The following ZNF730 variants were observed in gnomAD, a reference collection of about 807,000 sequenced individuals.
ZNF730 encodes the protein zinc finger protein 730, also known as putative zinc finger protein 730.
In ZNF730, 12 loss-of-function variants were observed where a neutral mutation model predicts 12.6. The ratio of observed to expected loss-of-function variants is 0.95; its 90% CI spans 0.61 to 1.54. ZNF730 has a LOEUF of 1.54. ZNF730 is among the 40% of genes most tolerant of loss of function. The pLI is 0.00. For synonymous variants in ZNF730, 194 were observed against 195.8 expected, an observed-to-expected ratio of 0.99 and a Z score of 0.08; for missense variants, 643 against 583.5, an observed-to-expected ratio of 1.10 and a Z score of -1.05.
chr19:23,128,968 G>T (rs896759193), intron 1 of ZNF730, among the ~76,000 whole-genome samples: 8 of 152,176 alleles, frequency 5.3e-5, no homozygotes, highest in Non-Finnish European at 7.3e-5. Context: ...GTAGAGCTCA[G>T]GCTGTTGTTT....
intron 1 of ZNF730, among the ~76,000 whole-genome samples, chr19:23,119,192 A>G (rs1365047210): frequency 6.6e-6 from 1 of 152,204 alleles, no homozygotes; most frequent in Non-Finnish European, 1.5e-5. Flanking sequence ...TAGATAACTC[A>G]TTATTTTGAA....
At position 23,145,541 on chromosome 19, in the gene ZNF730, G is replaced by T; in HGVS notation, c.497G>T (p.Arg166Ile). The T allele has an allele frequency of 6.4e-7, 1 of 1,554,098 alleles. No individual in the cohort carries two copies. The highest frequency in any genetic ancestry group is 1.2e-5 in the South Asian group (1 of 83,482). ...TCAAATTCAAACAGACATAAGATAA[G>T]ACATACTTCGAAGAAACCTTTCAAA... is the stretch of plus-strand genomic sequence containing the variant. ...KFSNSNRHKI[R>I]HTSKKPFKCK... Residue 166 changes from arginine to isoleucine, a missense_variant, in exon 4 of 4, where the codon AGA becomes ATA. Coordinates refer to ENST00000597761, the MANE Select transcript of ZNF730 (RefSeq NM_001277403.2).
chr19:23,116,377 T>C (rs556773054), upstream of ZNF730, among the ~76,000 whole-genome samples: 2 of 148,936 alleles, frequency 1.3e-5, no homozygotes, highest in African/African-American at 5.2e-5. Context: ...TTTTCTTTCT[T>C]TCTTTTTCTC....
chr19:23,086,914 T>C (rs1263938381), intron 1 of ZNF730, among the ~76,000 whole-genome samples: 5 of 152,220 alleles, frequency 3.3e-5, no homozygotes, highest in African/African-American at 1.2e-4. Context: ...TGGATTCTTA[T>C]TATTCATAAG....
At chr19:23,139,833 C>G (rs570066837) in intron 3 of ZNF730, among the ~76,000 whole-genome samples, 1 of 151,996 alleles carries the variant, frequency 6.6e-6, no homozygotes. Flanking sequence ...CTGACAAATT[C>G]TTTTTAATGC....
chr19:23,120,288 A>C (rs1056168278), intron 1 of ZNF730, among the ~76,000 whole-genome samples: 3 of 152,112 alleles, frequency 2.0e-5, no homozygotes, highest in African/African-American at 7.2e-5. Context: ...AGCCAGCACA[A>C]CTGGCTGGTC....
intron 1 of ZNF730, among the ~76,000 whole-genome samples, chr19:23,104,359 A>G (rs1318997288): frequency 6.6e-6 from 1 of 151,620 alleles, no homozygotes; most frequent in Non-Finnish European, 1.5e-5. Flanking sequence ...GTTCACAAAT[A>G]TCAAGCAAAA....
chr19:23,111,196 A>AT (rs556424674), intron 1 of ZNF730, among the ~76,000 whole-genome samples: 12 of 152,000 alleles, frequency 7.9e-5, no homozygotes, highest in Non-Finnish European at 1.6e-4. Context: ...GTTAAGACCA[A>AT]TTTTTTTTGT....
At chr19:23,138,066 G>A (rs1384284834) in intron 3 of ZNF730, among the ~76,000 whole-genome samples, 1 of 15,870 alleles carries the variant, frequency 6.3e-5, no homozygotes, top group South Asian at 4.4e-3. Flanking sequence ...GGCGGATCAC[G>A]AGGTCAGGAG....
At chr19:23,078,693 C>T (rs1969910063) in intron 1 of ZNF730, among the ~76,000 whole-genome samples, 1 of 152,206 alleles carries the variant, frequency 6.6e-6, no homozygotes, top group Non-Finnish European at 1.5e-5. Flanking sequence ...CTCTGTGTCT[C>T]TTTCTTTTCT....
intron 1 of ZNF730, among the ~76,000 whole-genome samples, chr19:23,092,754 A>G (rs1970178277): frequency 6.6e-6 from 1 of 152,072 alleles, no homozygotes; most frequent in Admixed American, 6.6e-5. Context: ...AGTATGTTCA[A>G]CCAACCTTGC....
chr19:23,133,119 G>C (rs1970766639), intron 1 of ZNF730, among the ~76,000 whole-genome samples: 1 of 152,160 alleles, frequency 6.6e-6, no homozygotes, highest in South Asian at 2.1e-4. Flanking sequence ...TCTTTATGCA[G>C]CTGATGTGCA....
chr19:23,100,554 T>A (rs1970323046), intron 1 of ZNF730, among the ~76,000 whole-genome samples: 1 of 150,692 alleles, frequency 6.6e-6, no homozygotes. Flanking sequence ...AAGTCCTGAA[T>A]CACACATGAA....
intron 3 of ZNF730, among the ~76,000 whole-genome samples, chr19:23,140,063 T>TTG (rs1019570011): frequency 6.6e-6 from 1 of 151,022 alleles, no homozygotes; most frequent in African/African-American, 2.5e-5. Flanking sequence ...CACAATCAGA[T>TTG]TATGTGTGTG....
intron 1 of ZNF730, among the ~76,000 whole-genome samples, chr19:23,085,826 ATTTTTTTTTCTT>A (rs1970051680): frequency 2.8e-5 from 2 of 72,568 alleles, no homozygotes; most frequent in African/African-American, 1.2e-4. Flanking sequence ...ATTTCACCCA[ATTTTTTTTTCTT>A]TTTTTTTTTT....
intron 1 of ZNF730, among the ~76,000 whole-genome samples, chr19:23,076,689 C>G (rs1035214006): frequency 2.0e-5 from 3 of 152,154 alleles, no homozygotes; most frequent in Admixed American, 6.6e-5. Flanking sequence ...AAAGCTACCT[C>G]TTAGAACATT....
chr19:23,142,511 A>C (rs554785114), intron 3 of ZNF730, among the ~76,000 whole-genome samples: 2 of 151,646 alleles, frequency 1.3e-5, no homozygotes, highest in African/African-American at 4.8e-5. Flanking sequence ...GAGAAATCCC[A>C]TCTCTACTAA....
intron 1 of ZNF730, among the ~76,000 whole-genome samples, chr19:23,077,257 C>T (rs1003927479): frequency 6.6e-6 from 1 of 151,940 alleles, no homozygotes; most frequent in Admixed American, 6.6e-5. Context: ...AAATAATCTT[C>T]ACAACAAACC....
chr19:23,085,452 C>G lies in ZNF730; in HGVS notation c.-94+10065C>G, dbSNP rs1970042482. Among the ~76,000 whole-genome samples, 3 of 148,282 alleles carry G rather than the reference C, an allele frequency of 2.0e-5. No individual in the cohort carries two copies. The Admixed American group carries it at 2.0e-4, about 10-fold the overall frequency. ...ACCTCAAATGATCCGCCCTCCTCAG[C>G]CTCCCAAAGTGCTGGGATTACAGGC... On this transcript the variant is annotated intron_variant, in intron 1 of 2. Coordinates refer to the ZNF730 transcript ENST00000593635.
Sources: gnomAD v4.1 joint callset for allele counts (sites outside exome capture counted in the v4.1 genomes callset) on GRCh38, gnomAD v4.1.1 for gene constraint, MANE v1.5 for transcripts, NCBI Gene and HGNC (gene_info 2026-07-23, HGNC 2026-07-21) for gene names.